LOXHD1: variants seen among roughly 807,000 people sequenced by gnomAD.
The protein encoded by LOXHD1 is lipoxygenase homology PLAT domains 1.
LOXHD1 carries 205 observed loss-of-function variants against 248.2 expected under a neutral mutation model. That is an observed-to-expected ratio of 0.83 (90% confidence interval 0.74 to 0.93). The LOEUF is 0.93. Ranked by LOEUF, LOXHD1 falls within the 40% of genes least tolerant of loss-of-function variation. The pLI is 0.00. For missense variants in LOXHD1, 2,930 were observed against 2,971.6 expected (o/e 0.99, Z 0.33); for synonymous variants, 1,113 against 1,162.8 (o/e 0.96, Z 0.87).
intron 14 of LOXHD1, among the ~76,000 whole-genome samples, chr18:46,572,405 T>G (rs1427631803): frequency 1.3e-5 from 2 of 151,944 alleles, no homozygotes; most frequent in Non-Finnish European, 2.9e-5. Context: ...ATGGGTAGGA[T>G]GATGTCACAT....
intron 4 of LOXHD1, among the ~76,000 whole-genome samples, chr18:46,627,980 G>A (rs1211764974): frequency 3.3e-5 from 5 of 152,166 alleles, no homozygotes; most frequent in South Asian, 2.1e-4. Flanking sequence ...CACCCTGAGC[G>A]CAGGCTCTGG....
chr18:46,532,422 T>C (rs905677234), intron 28 of LOXHD1, among the ~76,000 whole-genome samples: 1 of 152,154 alleles, frequency 6.6e-6, no homozygotes, highest in Non-Finnish European at 1.5e-5. Flanking sequence ...TGTACACATA[T>C]ACAATGTAGA....
intron 14 of LOXHD1, among the ~76,000 whole-genome samples, chr18:46,576,397 A>C (rs2037855673): frequency 1.4e-5 from 2 of 147,672 alleles, no homozygotes; most frequent in South Asian, 2.2e-4. Context: ...CAGCCTTCTC[A>C]CTCCTTCCCC....
rs539134797 is a variant in LOXHD1, at chr18:46,577,878, G to A, written c.1810-11C>T. The A allele has an allele frequency of 3.2e-6, 5 of 1,551,312 alleles. No individual in the cohort carries two copies. The South Asian group carries it at 3.6e-5, about 11-fold the overall frequency. On this transcript the variant is annotated splice_polypyrimidine_tract_variant and intron_variant, in intron 13 of 40. Coordinates refer to ENST00000642948, the MANE Select transcript of LOXHD1 (RefSeq NM_001384474.1). Reference sequence around the variant, plus strand: ...AGTGAACTCGTCAGCCTTGTGGGGGGAAACCACAAGGCCAGTTAGACAGTG... The same window carrying A: ...AGTGAACTCGTCAGCCTTGTGGGGGAAAACCACAAGGCCAGTTAGACAGTG...
chr18:46,550,055 G>A (rs1270555955), intron 21 of LOXHD1, among the ~76,000 whole-genome samples: 1 of 152,154 alleles, frequency 6.6e-6, no homozygotes. Context: ...TAATCAACAA[G>A]CCAATAAATG....
At chr18:46,652,919 G>A (rs939976499) in intron 1 of LOXHD1, among the ~76,000 whole-genome samples, 1 of 152,168 alleles carries the variant, frequency 6.6e-6, no homozygotes, top group African/African-American at 2.4e-5. Context: ...AGAAAAGCTA[G>A]ACCCACACAA....
intron 15 of LOXHD1, among the ~76,000 whole-genome samples, 171 bp from the exon 16 acceptor site, chr18:46,569,809 G>T (rs1599014390): frequency 6.6e-6 from 1 of 152,330 alleles, no homozygotes; most frequent in African/African-American, 2.4e-5. Flanking sequence ...TGGGGCAGGG[G>T]TTCCTTCCAT....
At chr18:46,490,227 A>C (rs2143644280) in intron 37 of LOXHD1, among the ~76,000 whole-genome samples, 1 of 152,280 alleles carries the variant, frequency 6.6e-6, no homozygotes, top group African/African-American at 2.4e-5. Flanking sequence ...CCGCAAGGAA[A>C]CTCCAAGTGT....
At chr18:46,551,336 C>G (rs1321071114) in intron 21 of LOXHD1, among the ~76,000 whole-genome samples, 2 of 151,950 alleles carry the variant, frequency 1.3e-5, no homozygotes, top group African/African-American at 4.8e-5. Flanking sequence ...ATCTCCTGAC[C>G]TTGTGATCCA....
At chr18:46,503,304 G>T (rs1002247444) in intron 37 of LOXHD1, among the ~76,000 whole-genome samples, 2 of 152,150 alleles carry the variant, frequency 1.3e-5, no homozygotes, top group African/African-American at 4.8e-5. Context: ...TCCTGTTAGG[G>T]TTAGGGTAGA....
rs118174674 is a variant in LOXHD1 at position 46,557,437 on chromosome 18, C to T, written c.3269G>A (p.Arg1090Gln). 0.017 allele frequency: 27,108 copies of T among 1,552,130 alleles called. 264 individuals carry two copies. Among genetic ancestry groups the T allele is most frequent in the Non-Finnish European group, 0.021 (24,300 of 1,147,092 alleles). The change falls in exon 21 of 41, where the codon CGG becomes CAG. Residue 1090 changes from arginine (R) to glutamine (Q), a missense_variant. Arg to Gln is a conservative substitution (Grantham distance 43). Transcript: ENST00000642948. Reference protein sequence around the residue: ...AIDLGALTKIRIRHDNTGNRA... With the variant: ...AIDLGALTKIQIRHDNTGNRA... ...GTTGCCTGTGTTGTCGTGGCGAATC[C>T]GAATCTTGGTCAGGGCCCCCAGGTC...
At chr18:46,571,429 C>A (rs1204029095) in intron 15 of LOXHD1, among the ~76,000 whole-genome samples, 1 of 152,144 alleles carries the variant, frequency 6.6e-6, no homozygotes, top group Non-Finnish European at 1.5e-5. Context: ...AAAATCACAC[C>A]ACTGCACTCC....
chr18:46,566,279 G>A lies in LOXHD1; in HGVS notation c.2415C>T (p.Ser805=), dbSNP rs745921203. The part of the protein sequence containing the change: ...DGRLEVELYP[S]EVVEIQKLVH... ...TACATTTCTGGATCTCCACCACCTC[G>A]CTGGGATACAGCTCCACCTCCAGGC... Residue 805 remains serine, a synonymous_variant, in exon 17 of 41, where the codon AGC becomes AGT. Transcript: ENST00000642948. 5.2e-6 allele frequency: 8 copies of A among 1,550,424 alleles called. No homozygotes were observed. The highest frequency in any genetic ancestry group is 7.0e-6 in the Non-Finnish European group (8 of 1,145,760).
rs1241857641 is a variant in LOXHD1, at chr18:46,594,375, C to T, written c.1226G>A (p.Arg409Lys). ...DEKKADGLIERQLYEMVSLRK... is the reference protein window; with the variant it reads ...DEKKADGLIEKQLYEMVSLRK... Reference sequence around the variant, plus strand: ...GAGAGACACCATCTCATAGAGCTGCCTCTCAATCAACCCATCCGCTTTCTT... The same window carrying T: ...GAGAGACACCATCTCATAGAGCTGCTTCTCAATCAACCCATCCGCTTTCTT... The change falls in exon 9 of 41, where the codon AGG becomes AAG. Residue 409 changes from arginine to lysine, a missense_variant. Arg to Lys is a conservative substitution (Grantham distance 26). Transcript: ENST00000642948. 4 of 1,551,666 alleles carry T rather than the reference C, an allele frequency of 2.6e-6. No individual in the cohort carries two copies. The Admixed American group carries it at 7.8e-5, about 30-fold the overall frequency.
intron 37 of LOXHD1, among the ~76,000 whole-genome samples, chr18:46,498,060 A>C (rs1359275713): frequency 1.3e-5 from 2 of 152,190 alleles, no homozygotes; most frequent in African/African-American, 2.4e-5. Flanking sequence ...CTAGGGGAAT[A>C]ATTGGTTTCT....
rs922686568 is a variant in LOXHD1 at position 46,524,339 on chromosome 18, A to G, written c.4876+127T>C. The G allele has an allele frequency of 1.4e-5, 19 of 1,337,612 alleles. No individual in the cohort carries two copies. In the African/African-American group the frequency reaches 2.5e-4, roughly 17 times the overall value. The allele number at this position is 1,337,612 out of a possible 1,614,324, so 82.9% of individuals were successfully genotyped here. ...AAAACAGGTAATATGTGTGAAAACT[A>G]TGTAAATGACTAAGTGTTAGATATG... On this transcript the variant is annotated intron_variant, in intron 31 of 40. Coordinates refer to ENST00000642948, the MANE Select transcript of LOXHD1 (RefSeq NM_001384474.1).
rs574373577 is a variant in LOXHD1, at chr18:46,622,091, G to A, written c.512-3801C>T. On this transcript the variant is annotated intron_variant, in intron 4 of 40. Coordinates refer to ENST00000642948, the MANE Select transcript of LOXHD1 (RefSeq NM_001384474.1). ...TGATGCAAGAAGGGCTCAAAGCAAG[G>A]TCTCTGGTCTTTGAATCCAGGGCTT... Among the ~76,000 whole-genome samples, 5 of 152,324 alleles carry A rather than the reference G, an allele frequency of 3.3e-5. No homozygotes were observed. In the South Asian group the frequency reaches 1.0e-3, roughly 32 times the overall value.
At chr18:46,569,359 G>C (rs976836415) in intron 16 of LOXHD1, 83 bp downstream of exon 16, 14 of 1,174,204 alleles carry the variant, frequency 1.2e-5, no homozygotes, top group Admixed American at 4.1e-5. Flanking sequence ...TCTGTGTGTG[G>C]ACATATGTGT....
At chr18:46,606,823 T>C (rs149627676) in intron 6 of LOXHD1, among the ~76,000 whole-genome samples, 4 of 152,220 alleles carry the variant, frequency 2.6e-5, no homozygotes, top group African/African-American at 9.6e-5. Context: ...CCAAAGGAGA[T>C]TGGTTTAATA....
Sources: allele counts gnomAD v4.1 joint callset (sites outside exome capture counted in the v4.1 genomes callset), GRCh38; gene constraint gnomAD v4.1.1; transcripts MANE v1.5; gene names NCBI Gene and HGNC (gene_info 2026-07-23, HGNC 2026-07-21).